The following CHST10 variants were observed in gnomAD, a reference collection of about 807,000 sequenced individuals.
The protein encoded by CHST10 is HNK-1 sulfotransferase.
CHST10 carries 24 observed loss-of-function variants against 34.7 expected under a neutral mutation model. That is an observed-to-expected ratio of 0.69 (90% confidence interval 0.50 to 0.97). The LOEUF is 0.97. CHST10 is among the 50% of genes least tolerant of loss of function. The pLI, the probability that CHST10 is intolerant of heterozygous loss-of-function variation, is 0.00. For synonymous variants in CHST10, 161 were observed against 169.3 expected (o/e 0.95, Z 0.38); for missense variants, 402 against 452.1 (o/e 0.89, Z 1.00).
chr2:100,416,978 TC>T, intron 1 of CHST10: 1 of 1,304,126 alleles, frequency 7.7e-7, no homozygotes. Context: ...CACCCCTGAC[TC>T]CCCTCGCACC....
chr2:100,397,831 C>T (rs1675132413), intron 5 of CHST10, 77 bp downstream of exon 5: 1 of 1,206,768 alleles, frequency 8.3e-7, no homozygotes. Flanking sequence ...GTGACTCCTC[C>T]TTGCTGTCCT....
intron 2 of CHST10, among the ~76,000 whole-genome samples, chr2:100,411,842 T>C (rs1020502040): frequency 1.3e-5 from 2 of 152,168 alleles, no homozygotes; most frequent in African/African-American, 2.4e-5. Flanking sequence ...TACAATGGGA[T>C]GTGCCTTGGG....
Position 100,399,356 on chromosome 2 carries a change from C to T in CHST10, c.193-1214G>A, listed in dbSNP as rs557910050. Reference sequence around the variant, plus strand: ...CTCCTGACCTTGTGATCCGCCACCTCGGCCTCCCAAAGTGCTGGGATTACA... The same window carrying T: ...CTCCTGACCTTGTGATCCGCCACCTTGGCCTCCCAAAGTGCTGGGATTACA... On this transcript the variant is annotated intron_variant, in intron 4 of 6. Transcript: ENST00000264249. Among the ~76,000 whole-genome samples, 46 of 152,298 alleles carry T rather than the reference C, an allele frequency of 3.0e-4. 1 individual carries two copies. The South Asian group carries it at 8.9e-3, about 30-fold the overall frequency.
Position 100,406,594 on chromosome 2 carries a change from T to C in CHST10, c.82A>G (p.Thr28Ala). ...TACGTACCATCTGGGTCTTTAAAGG[T>C]CAACGTGATGAACTTGCTAGCCACC... ...FMVASKFITL[T>A]FKDPDVYSAK... The change falls in exon 3 of 7, where the codon ACC becomes GCC. Residue 28 changes from threonine to alanine, a missense_variant. Thr to Ala is a moderately conservative substitution (Grantham distance 58). Transcript: ENST00000264249. 1 of 1,614,124 alleles carries C rather than the reference T, an allele frequency of 6.2e-7. No individual in the cohort carries two copies. Among genetic ancestry groups the C allele is most frequent in the African/African-American group, 1.3e-5 (1 of 75,024 alleles).
chr2:100,399,906 G>A (rs112018073), intron 4 of CHST10, among the ~76,000 whole-genome samples: 5 of 152,178 alleles, frequency 3.3e-5, no homozygotes, highest in Non-Finnish European at 5.9e-5. Context: ...GGGCATCAGC[G>A]GCTGCCCGGG....
intron 4 of CHST10, among the ~76,000 whole-genome samples, chr2:100,399,662 C>G (rs995604053): frequency 6.6e-6 from 1 of 152,140 alleles, no homozygotes; most frequent in East Asian, 1.9e-4. Context: ...GACAGAGGTC[C>G]CCCCTCAGGG....
chr2:100,402,543 C>G, intron 4 of CHST10, 21 bp downstream of exon 4: 1 of 1,606,784 alleles, frequency 6.2e-7, no homozygotes, highest in East Asian at 2.2e-5. Flanking sequence ...AGGACAAGGA[C>G]CACGGCCTGG....
Position 100,415,055 on chromosome 2 carries a change from G to A in CHST10, c.-47C>T, listed in dbSNP as rs1446653047. The A allele has an allele frequency of 7.7e-7, 1 of 1,303,362 alleles. No individual in the cohort carries two copies. Among genetic ancestry groups the A allele is most frequent in the Non-Finnish European group, 1.0e-6 (1 of 988,556 alleles). The allele number at this position is 1,303,362 out of a possible 1,614,324, so 80.7% of individuals were successfully genotyped here. A position where few individuals can be genotyped will look rare whatever the true frequency, so the allele number is the denominator to read the frequency against. On this transcript the variant is annotated 5_prime_UTR_variant, in exon 2 of 7. Transcript: ENST00000264249. ...CCTTCACGTACCTTCTGCAGCCTGG[G>A]GCTCACATTTCCTTGCTGTGTTTCC...
Position 100,397,988 on chromosome 2 carries a change from C to T in CHST10, c.347G>A (p.Cys116Tyr). ...GCAGAAAAGAATCTTGTGCTTGTCA[C>T]AGACAAATATTCGGTCCAGGACAAA... ...SKFVLDRIFVCDKHKILFCQT... is the reference protein window; with the variant it reads ...SKFVLDRIFVYDKHKILFCQT... The change falls in exon 5 of 7, where the codon TGT becomes TAT. Residue 116 changes from cysteine (C) to tyrosine (Y), a missense_variant. Cys to Tyr is a radical substitution (Grantham distance 194). Coordinates refer to ENST00000264249, the MANE Select transcript of CHST10 (RefSeq NM_004854.5). The T allele has an allele frequency of 6.2e-7, 1 of 1,614,200 alleles. No homozygotes were observed. Among genetic ancestry groups the T allele is most frequent in the Non-Finnish European group, 8.5e-7 (1 of 1,180,040 alleles).
Position 100,393,624 on chromosome 2 carries a change from T to C in CHST10, c.692A>G (p.Glu231Gly), listed in dbSNP as rs1398831352. ...ATCTTCAAACTGGATCCCCCGGGTC[T>C]CTGTCCGGTTCCTCCTGTATTTTCT... ...IIRKYRRNRT[E>G]TRGIQFEDFV... The change falls in exon 7 of 7, where the codon GAG becomes GGG. Residue 231 changes from glutamate to glycine, a missense_variant. By Grantham distance (98) the Glu-to-Gly change is moderately conservative. Coordinates refer to ENST00000264249, the MANE Select transcript of CHST10 (RefSeq NM_004854.5). 1.9e-6 allele frequency: 3 copies of C among 1,614,142 alleles called. No individual in the cohort carries two copies. In the South Asian group the frequency reaches 3.3e-5, roughly 18 times the overall value.
chr2:100,395,509 C>T lies in CHST10; in HGVS notation c.533G>A (p.Arg178Gln), dbSNP rs146601037. The change falls in exon 6 of 7, where the codon CGA (arginine) becomes CAA (glutamine). Residue 178 changes from arginine to glutamine, a missense_variant and splice_region_variant. Transcript: ENST00000264249. ...SSFSDAEIQK[R>Q]LKTYFKFFIV... ...TCCCCTTTGAGGAAGCTGTTCTCACCGCTTCTGAATTTCTGCATCACTGAA... is the reference window on the plus strand; with the variant it reads ...TCCCCTTTGAGGAAGCTGTTCTCACTGCTTCTGAATTTCTGCATCACTGAA... 3.6e-5 allele frequency: 58 copies of T among 1,611,972 alleles called. No homozygotes were observed. Among genetic ancestry groups the T allele is most frequent in the Admixed American group, 8.3e-5 (5 of 59,998 alleles).
At chr2:100,401,346 C>T (rs775385163) in intron 4 of CHST10, among the ~76,000 whole-genome samples, 12 of 152,194 alleles carry the variant, frequency 7.9e-5, no homozygotes, top group Admixed American at 2.6e-4. Context: ...GTAAAGTACA[C>T]TGCAAACTGT....
At chr2:100,400,157 A>G (rs911262927) in intron 4 of CHST10, among the ~76,000 whole-genome samples, 5 of 152,224 alleles carry the variant, frequency 3.3e-5, no homozygotes, top group African/African-American at 1.2e-4. Context: ...AAATGCAGAA[A>G]ACTCTGCACT....
rs563393661 is a variant in CHST10, at chr2:100,396,004, A to G, written c.428-390T>C. Among the ~76,000 whole-genome samples, 3 of 152,288 alleles carry G rather than the reference A, an allele frequency of 2.0e-5. No homozygotes were observed. The East Asian group carries it at 5.8e-4, about 29-fold the overall frequency. On this transcript the variant is annotated intron_variant, in intron 5 of 6. Transcript: ENST00000264249. The stretch of plus-strand genomic sequence containing the variant: ...ACTTACTCTACTCTGAGACTGGGGG[A>G]AAATGCCAGAGAAGCAGGACTTTGG...
chr2:100,410,242 G>A (rs1350995550), intron 2 of CHST10, among the ~76,000 whole-genome samples: 1 of 152,228 alleles, frequency 6.6e-6, no homozygotes, highest in Admixed American at 6.5e-5. Context: ...TACACTCGGG[G>A]TAAGCAGGGC....
chr2:100,403,641 C>A (rs1675438063), intron 3 of CHST10, among the ~76,000 whole-genome samples: 1 of 152,198 alleles, frequency 6.6e-6, no homozygotes, highest in African/African-American at 2.4e-5. Context: ...GAGGCTGGCC[C>A]TGTCCCAGAG....
intron 6 of CHST10, among the ~76,000 whole-genome samples, chr2:100,394,712 A>T (rs1423253428): frequency 6.8e-6 from 1 of 146,702 alleles, no homozygotes; most frequent in South Asian, 2.2e-4. Context: ...TCTATTAGCT[A>T]AGGACTCCAT....
In CHST10 at chr2:100,392,957, G is replaced by A. The variant is rs1327434360; in HGVS notation, c.*288C>T. On this transcript the variant is annotated 3_prime_UTR_variant, in exon 7 of 7. Transcript: ENST00000264249. Reference sequence around the variant, plus strand: ...TGTGATGCTTCCTCCCTGCTGGGCTGTCAAACTGCAAATCTTTAGCCTTTT... The same window carrying A: ...TGTGATGCTTCCTCCCTGCTGGGCTATCAAACTGCAAATCTTTAGCCTTTT... 1 of 416,714 alleles carries A rather than the reference G, an allele frequency of 2.4e-6. No individual in the cohort carries two copies. The highest frequency in any genetic ancestry group is 4.6e-5 in the East Asian group (1 of 21,960). The allele number at this position is 416,714 out of a possible 1,614,324, so 25.8% of individuals were successfully genotyped here. A position where few individuals can be genotyped will look rare whatever the true frequency, so the allele number is the denominator to read the frequency against.
chr2:100,400,066 T>C (rs527804393), intron 4 of CHST10, among the ~76,000 whole-genome samples: 1 of 152,292 alleles, frequency 6.6e-6, no homozygotes, highest in South Asian at 2.1e-4. Flanking sequence ...TCCCTCTCTG[T>C]TCCAAACCTA....
Sources: allele counts gnomAD v4.1 joint callset (sites outside exome capture counted in the v4.1 genomes callset), GRCh38; gene constraint gnomAD v4.1.1; transcripts MANE v1.5; gene names NCBI Gene and HGNC (gene_info 2026-07-23, HGNC 2026-07-21).